CRB2: variants seen among roughly 807,000 people sequenced by gnomAD.
CRB2 encodes the protein protein crumbs homolog 2.
A neutral mutation model predicts 110.9 loss-of-function variants in CRB2; 85 were observed. The ratio of observed to expected loss-of-function variants is 0.77; its 90% CI spans 0.64 to 0.92. CRB2 has a LOEUF of 0.92. CRB2 is among the 40% of genes least tolerant of loss of function. The pLI is 0.00. For missense variants in CRB2, 1,843 were observed against 1,851.3 expected, an observed-to-expected ratio of 1.00 and a Z score of 0.08; for synonymous variants, 907 against 831.0, an observed-to-expected ratio of 1.09 and a Z score of -1.57.
rs2041955058 is a variant in CRB2, at chr9:123,367,555, CA to C, written c.941-17del. ...GCTCTGAGGGTGCAGGTGGGACCCA[CA>C]GCTGGGCCTCTTACAGGAGCCGACT... On this transcript the variant is annotated splice_polypyrimidine_tract_variant and intron_variant, in intron 5 of 12. Transcript: ENST00000373631. 6.5e-7 allele frequency: 1 copy of C among 1,544,288 alleles called. No individual in the cohort carries two copies. Among genetic ancestry groups the C allele is most frequent in the Non-Finnish European group, 8.7e-7 (1 of 1,143,490 alleles).
chr9:123,369,603 AATGGGACGTTCAAG>A (rs2041984285), intron 6 of CRB2, among the ~76,000 whole-genome samples: 1 of 152,144 alleles, frequency 6.6e-6, no homozygotes, highest in Non-Finnish European at 1.5e-5. Context: ...TGCTCGGAGG[AATGGGACGTTCAAG>A]ATTTGTGGGA....
Position 123,372,207 on chromosome 9 carries a change from C to T in CRB2, c.2467C>T (p.Leu823Phe), listed in dbSNP as rs1289965038. The T allele has an allele frequency of 5.6e-6, 9 of 1,614,004 alleles. No homozygotes were observed. The highest frequency in any genetic ancestry group is 1.3e-5 in the African/African-American group (1 of 74,926). Residue 823 changes from leucine (L) to phenylalanine (F), a missense_variant, in exon 9 of 13, where the codon CTC (leucine) becomes TTC (phenylalanine). Leu to Phe is a conservative substitution (Grantham distance 22, BLOSUM62 0). Coordinates refer to ENST00000373631, the MANE Select transcript of CRB2 (RefSeq NM_173689.7). ...CCCCTGTTTCAATGGTGGGACTTGC[C>T]TCGTCACCTGGAATGACTTCCACTG... ...PDPCFNGGTCLVTWNDFHCTC... is the reference protein window; with the variant it reads ...PDPCFNGGTCFVTWNDFHCTC...
At chr9:123,367,416 T>TGGGGG in intron 5 of CRB2, 59 bp downstream of exon 5, 2 of 1,279,158 alleles carry the variant, frequency 1.6e-6, no homozygotes, top group Non-Finnish European at 2.1e-6. Flanking sequence ...AGGGATCTTG[T>TGGGGG]GCCCACCCCC....
chr9:123,364,288 G>C (rs973764774), intron 2 of CRB2, among the ~76,000 whole-genome samples: 1 of 151,996 alleles, frequency 6.6e-6, no homozygotes, highest in African/African-American at 2.4e-5. Context: ...GGTGTCTGCA[G>C]TCTGAGTGCA....
At chr9:123,360,579 GGAGCAGGTTGC>G (rs1341250999) in intron 1 of CRB2, among the ~76,000 whole-genome samples, 1 of 152,216 alleles carries the variant, frequency 6.6e-6, no homozygotes, top group Non-Finnish European at 1.5e-5. Flanking sequence ...GAATCCCCCA[GGAGCAGGTTGC>G]GATGCAGATT....
At chr9:123,367,534 T>G in intron 5 of CRB2, 39 bp from the exon 6 acceptor site, 3 of 1,501,556 alleles carry the variant, frequency 2.0e-6, no homozygotes, top group Non-Finnish European at 2.7e-6. Context: ...TGCCTGGCTC[T>G]GAGGGTGCAG....
intron 12 of CRB2, among the ~76,000 whole-genome samples, chr9:123,376,016 G>A (rs73571434): frequency 0.11 from 16,143 of 152,076 alleles, 1,031 homozygotes; most frequent in Admixed American, 0.17. Flanking sequence ...AATCCCCTCC[G>A]CTTACGGGGA....
rs145392563 is a variant in CRB2, at chr9:123,370,517, G to A, written c.1464G>A (p.Leu488=). The A allele has an allele frequency of 4.5e-4, 726 of 1,613,446 alleles. 2 individuals are homozygous for A. The African/African-American group carries it at 8.7e-3, about 19-fold the overall frequency. The change falls in exon 7 of 13, where the codon TTG becomes TTA. Residue 488 remains leucine, a synonymous_variant. Coordinates refer to ENST00000373631, the MANE Select transcript of CRB2 (RefSeq NM_173689.7). Reference sequence around the variant, plus strand: ...CCAAGGAAAGCTTGGAGCTGGCATTGGTGGCAGCCACACTTCAGGCCACAC... The same window carrying A: ...CCAAGGAAAGCTTGGAGCTGGCATTAGTGGCAGCCACACTTCAGGCCACAC... ...NDTKESLELA[L]VAATLQATLW...
At chr9:123,371,048 C>T in intron 7 of CRB2, 22 bp from the exon 8 acceptor site, 1 of 1,604,860 alleles carries the variant, frequency 6.2e-7, no homozygotes, top group Non-Finnish European at 8.5e-7. Context: ...GGCCTCACAC[C>T]TGGCACCTTC....
intron 1 of CRB2, among the ~76,000 whole-genome samples, chr9:123,361,139 G>GC (rs36027063): frequency 0.39 from 42,931 of 110,792 alleles, 8,012 homozygotes; most frequent in Non-Finnish European, 0.53. Context: ...GGGCGGGGAG[G>GC]GGGGGGGGTT....
intron 9 of CRB2, among the ~76,000 whole-genome samples, chr9:123,372,699 A>T (rs906980347): frequency 5.3e-5 from 8 of 152,254 alleles, no homozygotes; most frequent in Non-Finnish European, 1.0e-4. Context: ...CTCTGACTTT[A>T]TCCCAAGGAC....
chr9:123,367,256 C>G lies in CRB2; in HGVS notation c.839C>G (p.Ser280Cys). 5.0e-6 allele frequency: 8 copies of G among 1,597,502 alleles called. No homozygotes were observed. The highest frequency in any genetic ancestry group is 1.1e-5 in the South Asian group (1 of 89,816). ...CQHGGRCLQRSDPALYGGVQA... is the reference protein window; with the variant it reads ...CQHGGRCLQRCDPALYGGVQA... ...CATGGGGGCCGATGCCTGCAGCGCT[C>G]TGACCCGGCCCTCTACGGGGGTGTC... Residue 280 changes from serine to cysteine, a missense_variant, in exon 5 of 13, where the codon TCT becomes TGT. Physicochemically the swap from Ser to Cys is moderately radical, Grantham distance 112 (BLOSUM62 -1). Coordinates refer to ENST00000373631, the MANE Select transcript of CRB2 (RefSeq NM_173689.7).
At chr9:123,359,925 T>C (rs905818682) in intron 1 of CRB2, among the ~76,000 whole-genome samples, 2 of 151,792 alleles carry the variant, frequency 1.3e-5, no homozygotes, top group Non-Finnish European at 1.5e-5. Context: ...GGAAGCTGTA[T>C]TCCTGTGAAA....
chr9:123,368,802 G>A lies in CRB2; in HGVS notation c.1054+1116G>A, dbSNP rs2041974050. On this transcript the variant is annotated intron_variant, in intron 6 of 12. Transcript: ENST00000373631. ...GCATTCCTGAGCAGGCTCCGAAGGA[G>A]GCAGCTGGGCCAGGCAGGGAGCTCT... 5 of 1,200,790 alleles carry A rather than the reference G, an allele frequency of 4.2e-6. No homozygotes were observed. In the South Asian group the frequency reaches 5.9e-5, roughly 14 times the overall value. The allele number at this position is 1,200,790 out of a possible 1,614,324, so 74.4% of individuals were successfully genotyped here.
chr9:123,377,149 C>G lies in CRB2; in HGVS notation c.*87C>G. ...AGGAAGCTGCTTCCAGGGCTCGGGACATTGCTACGGAAGTGTCCCCTTGGC... is the reference window on the plus strand; with the variant it reads ...AGGAAGCTGCTTCCAGGGCTCGGGAGATTGCTACGGAAGTGTCCCCTTGGC... On this transcript the variant is annotated 3_prime_UTR_variant, in exon 13 of 13. Coordinates refer to ENST00000373631, the MANE Select transcript of CRB2 (RefSeq NM_173689.7). 3.2e-6 allele frequency: 4 copies of G among 1,237,678 alleles called. No homozygotes were observed. Among genetic ancestry groups the G allele is most frequent in the Non-Finnish European group, 4.4e-6 (4 of 906,350 alleles). The allele number at this position is 1,237,678 out of a possible 1,614,324, so 76.7% of individuals were successfully genotyped here. A position where few individuals can be genotyped will look rare whatever the true frequency, so the allele number is the denominator to read the frequency against.
chr9:123,361,632 C>T (rs1463734888), intron 1 of CRB2, among the ~76,000 whole-genome samples: 1 of 152,102 alleles, frequency 6.6e-6, no homozygotes, highest in Non-Finnish European at 1.5e-5. Flanking sequence ...GGAATGGAGG[C>T]TGTGTCTTCT....
chr9:123,367,287 C>T lies in CRB2; in HGVS notation c.870C>T (p.Ala290=), dbSNP rs143804347. 969 of 1,602,492 alleles carry T rather than the reference C, an allele frequency of 6.0e-4. 1 individual carries two copies. The Middle Eastern group carries it at 9.3e-3, about 15-fold the overall frequency. ...CGGCCCTCTACGGGGGTGTCCAGGC[C>T]GCCTTCCCTGGCGCCTTCAGCTTCC... ...SDPALYGGVQ[A]AFPGAFSFRH... The change falls in exon 5 of 13, where the codon GCC becomes GCT. Residue 290 remains alanine, a synonymous_variant. Coordinates refer to ENST00000373631, the MANE Select transcript of CRB2 (RefSeq NM_173689.7).
At chr9:123,372,116 A>G (rs1242158593) in intron 8 of CRB2, 61 bp from the exon 9 acceptor site, 4 of 1,540,350 alleles carry the variant, frequency 2.6e-6, no homozygotes, top group African/African-American at 2.7e-5. Flanking sequence ...CTGCAATGCC[A>G]GTTATGGTGG....
intron 7 of CRB2, 25 bp from the exon 8 acceptor site, chr9:123,371,045 C>T: frequency 6.2e-7 from 1 of 1,603,966 alleles, no homozygotes; most frequent in Non-Finnish European, 8.5e-7. Context: ...GCAGGCCTCA[C>T]ACCTGGCACC....
Sources: gnomAD v4.1 joint callset for allele counts (sites outside exome capture counted in the v4.1 genomes callset) on GRCh38, gnomAD v4.1.1 for gene constraint, MANE v1.5 for transcripts, NCBI Gene and HGNC (gene_info 2026-07-23, HGNC 2026-07-21) for gene names.